Variants in ERBB4 observed in about 807,000 individuals in gnomAD.
ERBB4 encodes receptor tyrosine-protein kinase erbB-4.
Under a neutral mutation model 158.0 loss-of-function variants are expected in ERBB4, and 42 were observed. The observed-to-expected ratio is 0.27, with a 90% CI of 0.21 to 0.34. ERBB4 has a LOEUF of 0.34. ERBB4 is among the 10% of genes least tolerant of loss of function. The pLI is 1.00. For synonymous variants in ERBB4, 583 were observed against 558.7 expected, an observed-to-expected ratio of 1.04 and a Z score of -0.61; for missense variants, 1,333 against 1,624.1, an observed-to-expected ratio of 0.82 and a Z score of 3.08.
chr2:212,479,515 C>G (rs1689579857), intron 1 of ERBB4, among the ~76,000 whole-genome samples: 1 of 152,168 alleles, frequency 6.6e-6, no homozygotes, highest in African/African-American at 2.4e-5. Flanking sequence ...GCGCCGAGCA[C>G]TACGCTTGAA....
Position 211,453,438 on chromosome 2 carries a change from TTCC to T in ERBB4, c.2488-22341_2488-22339del, listed in dbSNP as rs563658162. Among the ~76,000 whole-genome samples the T allele has an allele frequency of 2.4e-4, 37 of 152,322 alleles. No individual in the cohort carries two copies. The East Asian group carries it at 7.1e-3, about 29-fold the overall frequency. On this transcript the variant is annotated intron_variant, in intron 20 of 27. Coordinates refer to ENST00000342788, the MANE Select transcript of ERBB4 (RefSeq NM_005235.3). ...AACCCCGCTTTAAATTTTTTTGATG[TTCC>T]TCTTTTTATACTGTAGTACTATTTA...
At chr2:211,961,844 G>A (rs535225313) in intron 2 of ERBB4, among the ~76,000 whole-genome samples, 10 of 152,236 alleles carry the variant, frequency 6.6e-5, no homozygotes, top group African/African-American at 2.2e-4. Context: ...AAAAAAGGAG[G>A]AGGAGGAACT....
intron 12 of ERBB4, among the ~76,000 whole-genome samples, chr2:211,698,176 G>C (rs2073094429): frequency 1.3e-5 from 2 of 152,026 alleles, no homozygotes; most frequent in South Asian, 4.1e-4. Flanking sequence ...ATTAGGCGTG[G>C]TGGCGCCTGC....
intron 1 of ERBB4, among the ~76,000 whole-genome samples, chr2:212,137,206 C>T (rs1404269642): frequency 6.6e-6 from 1 of 152,096 alleles, no homozygotes; most frequent in Non-Finnish European, 1.5e-5. Context: ...TTCCAGGGCA[C>T]ACATGCAGGT....
chr2:211,889,287 A>G, intron 3 of ERBB4, among the ~76,000 whole-genome samples: 1 of 144,318 alleles, frequency 6.9e-6, no homozygotes, highest in Non-Finnish European at 1.5e-5. Flanking sequence ...CAGCCGGGGC[A>G]CACTGACACC....
chr2:211,951,196 T>G (rs2080865485), intron 2 of ERBB4, among the ~76,000 whole-genome samples: 2 of 152,162 alleles, frequency 1.3e-5, no homozygotes, highest in Non-Finnish European at 2.9e-5. Flanking sequence ...TCAAAAAGTG[T>G]AAAATGTCAT....
chr2:211,636,219 A>T (rs981137069), intron 16 of ERBB4, among the ~76,000 whole-genome samples: 2 of 151,998 alleles, frequency 1.3e-5, no homozygotes, highest in Non-Finnish European at 2.9e-5. Flanking sequence ...ATTGCAAAAC[A>T]TGGTAAAACA....
At chr2:211,414,928 TGTG>T (rs1397804731) in intron 25 of ERBB4, among the ~76,000 whole-genome samples, 1 of 152,114 alleles carries the variant, frequency 6.6e-6, no homozygotes, top group East Asian at 1.9e-4. Context: ...CCTAGGGCTT[TGTG>T]AAATAAAAGT....
At chr2:211,833,295 T>G (rs978983315) in intron 3 of ERBB4, among the ~76,000 whole-genome samples, 6 of 152,148 alleles carry the variant, frequency 3.9e-5, no homozygotes, top group African/African-American at 1.4e-4. Flanking sequence ...AAAGATGTCT[T>G]AAGTCTAAGG....
chr2:211,716,118 T>A (rs2106097899), intron 7 of ERBB4, among the ~76,000 whole-genome samples: 1 of 151,920 alleles, frequency 6.6e-6, no homozygotes, highest in African/African-American at 2.4e-5. Context: ...ATCCCAGCAC[T>A]TTGGGAGGCC....
intron 19 of ERBB4, among the ~76,000 whole-genome samples, chr2:211,611,824 C>T (rs1341403330): frequency 6.6e-6 from 1 of 152,012 alleles, no homozygotes; most frequent in South Asian, 2.1e-4. Context: ...AAAAATGAAA[C>T]CTAATACTAC....
intron 1 of ERBB4, among the ~76,000 whole-genome samples, chr2:212,462,358 G>C (rs538656537): frequency 6.6e-6 from 1 of 152,178 alleles, no homozygotes; most frequent in Non-Finnish European, 1.5e-5. Flanking sequence ...CTATTCATCT[G>C]TCAGGGACTA....
intron 20 of ERBB4, among the ~76,000 whole-genome samples, chr2:211,526,722 T>C (rs1437173401): frequency 1.3e-5 from 2 of 151,980 alleles, no homozygotes; most frequent in African/African-American, 4.8e-5. Context: ...CAGAATTCTA[T>C]CAGATAACTT....
chr2:211,725,219 T>C lies in ERBB4; in HGVS notation c.623-25A>G, dbSNP rs763605922. 2.0e-5 allele frequency: 32 copies of C among 1,562,780 alleles called. No individual in the cohort carries two copies. In the East Asian group the frequency reaches 4.0e-4, roughly 20 times the overall value. ...ACTGCAGAAGACAGAGATAGGACCA[T>C]GATCAAAGTCTGCCACCAGGAGAAA... is the stretch of plus-strand genomic sequence containing the variant. On this transcript the variant is annotated intron_variant, in intron 5 of 27. Coordinates refer to ENST00000342788, the MANE Select transcript of ERBB4 (RefSeq NM_005235.3).
At chr2:211,603,578 T>C (rs534173357) in intron 19 of ERBB4, among the ~76,000 whole-genome samples, 1 of 152,160 alleles carries the variant, frequency 6.6e-6, no homozygotes, top group African/African-American at 2.4e-5. Context: ...ATTAATTAAG[T>C]TTTTAGCAGT....
At chr2:212,007,490 A>G (rs919712625) in intron 2 of ERBB4, among the ~76,000 whole-genome samples, 31 of 151,840 alleles carry the variant, frequency 2.0e-4, no homozygotes, top group African/African-American at 7.2e-4. Context: ...TCAAAAATCA[A>G]TATTTTTATT....
chr2:212,494,626 G>A (rs1012775371), intron 1 of ERBB4, among the ~76,000 whole-genome samples: 10 of 152,010 alleles, frequency 6.6e-5, no homozygotes. Flanking sequence ...AACCATGAGA[G>A]TTGAGACTGG....
chr2:212,191,565 AACACATGTGTTATGCCTGTTATATATAAC>A (rs1559701236), intron 1 of ERBB4, among the ~76,000 whole-genome samples: 2 of 22,942 alleles, frequency 8.7e-5, no homozygotes, highest in African/African-American at 1.3e-4. Context: ...TGTTATATAT[AACACATGTGTTATGCCTGTTATATATAAC>A]ACATGTGTTA....
chr2:211,663,284 A>G (rs1184437225), intron 15 of ERBB4, among the ~76,000 whole-genome samples: 1 of 152,218 alleles, frequency 6.6e-6, no homozygotes, highest in Non-Finnish European at 1.5e-5. Context: ...TGTTTTAAAA[A>G]CAGGATGGCA....
Sources: allele counts gnomAD v4.1 joint callset (sites outside exome capture counted in the v4.1 genomes callset), GRCh38; gene constraint gnomAD v4.1.1; transcripts MANE v1.5; gene names NCBI Gene and HGNC (gene_info 2026-07-23, HGNC 2026-07-21).